Variants in CERS6 observed in about 807,000 individuals in gnomAD.
The protein encoded by CERS6 is ceramide synthase 6.
In CERS6, 26 loss-of-function variants were observed where a neutral mutation model predicts 56.8. The ratio of observed to expected loss-of-function variants is 0.46; its 90% confidence interval spans 0.34 to 0.63. CERS6 has a LOEUF of 0.63. CERS6 is among the 30% of genes least tolerant of loss of function. The probability of loss-of-function intolerance (pLI) is 0.01; values close to 1 mark genes in which losing one functional copy is unlikely to be tolerated. For missense variants in CERS6, 415 were observed against 467.5 expected (o/e 0.89, Z 1.04); for synonymous variants, 164 against 173.3 (o/e 0.95, Z 0.42).
intron 9 of CERS6, among the ~76,000 whole-genome samples, chr2:168,766,556 A>G (rs1021262940): frequency 7.9e-5 from 12 of 152,238 alleles, no homozygotes; most frequent in African/African-American, 2.9e-4. Flanking sequence ...ATTCTGCTAA[A>G]TGTTGCATGA....
chr2:168,463,475 T>A (rs1359913791), intron 1 of CERS6, among the ~76,000 whole-genome samples: 4 of 152,258 alleles, frequency 2.6e-5, no homozygotes, highest in Non-Finnish European at 5.9e-5. Flanking sequence ...TCCTAAGGAA[T>A]GTTTCCTAGA....
chr2:168,594,511 G>C (rs951532224), intron 3 of CERS6, among the ~76,000 whole-genome samples: 7 of 152,138 alleles, frequency 4.6e-5, no homozygotes, highest in Admixed American at 4.6e-4. Context: ...GTTGAGCCTG[G>C]GAGGTTGAGG....
chr2:168,626,095 G>A (rs6752574), intron 3 of CERS6, among the ~76,000 whole-genome samples: 44,960 of 151,972 alleles, frequency 0.3, 7,586 homozygotes, highest in African/African-American at 0.46. Flanking sequence ...CTAGCTGTGT[G>A]GCCTTCAGCA....
intron 4 of CERS6, among the ~76,000 whole-genome samples, chr2:168,685,691 G>A (rs968973260): frequency 1.8e-4 from 28 of 152,038 alleles, no homozygotes; most frequent in East Asian, 9.7e-4. Flanking sequence ...TCAAAATGTC[G>A]ATGAAGGCTT....
chr2:168,602,062 C>A (rs934926369), intron 3 of CERS6, among the ~76,000 whole-genome samples: 2 of 152,102 alleles, frequency 1.3e-5, no homozygotes, highest in Non-Finnish European at 2.9e-5. Context: ...TTAATTTAGA[C>A]AGGGTTCTGA....
rs76267975 is a variant in CERS6, at chr2:168,763,135, C to A, written c.846-2457C>A. 9.8e-3 allele frequency among the ~76,000 whole-genome samples: 1,491 copies of A among 152,232 alleles called. 30 individuals are homozygous for A. The highest frequency in any genetic ancestry group is 0.033 in the African/African-American group (1,379 of 41,542). Reference sequence around the variant, plus strand: ...AAGCAATCCTCCTACCTCAGCCCCCCCAAAGTGCTGGGATTACAGGAGTGA... The same window carrying A: ...AAGCAATCCTCCTACCTCAGCCCCCACAAAGTGCTGGGATTACAGGAGTGA... On this transcript the variant is annotated intron_variant, in intron 8 of 9. Transcript: ENST00000305747.
At chr2:168,572,273 C>T (rs1346996254) in intron 3 of CERS6, among the ~76,000 whole-genome samples, 1 of 152,094 alleles carries the variant, frequency 6.6e-6, no homozygotes, top group African/African-American at 2.4e-5. Context: ...GAGACTTAGA[C>T]CCTGAGAAGG....
chr2:168,557,200 C>T (rs1695698835), intron 2 of CERS6, among the ~76,000 whole-genome samples: 1 of 151,736 alleles, frequency 6.6e-6, no homozygotes, highest in Non-Finnish European at 1.5e-5. Flanking sequence ...TAAGAAAGTA[C>T]CTTATTCTCA....
intron 6 of CERS6, among the ~76,000 whole-genome samples, chr2:168,695,825 C>G (rs927351526): frequency 2.6e-5 from 4 of 152,152 alleles, no homozygotes; most frequent in African/African-American, 9.7e-5. Context: ...TGAAATGTTT[C>G]TCTTCTGCCC....
At chr2:168,620,228 A>T (rs908321837) in intron 3 of CERS6, among the ~76,000 whole-genome samples, 22 of 152,012 alleles carry the variant, frequency 1.4e-4, no homozygotes, top group African/African-American at 5.1e-4. Flanking sequence ...AGCTATGCGG[A>T]TGCAAAGGCA....
intron 1 of CERS6, among the ~76,000 whole-genome samples, chr2:168,457,209 C>T (rs1693686534): frequency 6.6e-6 from 1 of 152,220 alleles, no homozygotes; most frequent in Non-Finnish European, 1.5e-5. Flanking sequence ...GCCCACAGTC[C>T]TGGCAAATAG....
chr2:168,660,986 A>C (rs1237486290), intron 4 of CERS6, among the ~76,000 whole-genome samples: 2 of 150,480 alleles, frequency 1.3e-5, no homozygotes, highest in African/African-American at 2.5e-5. Context: ...AGAAGTGTGC[A>C]TTTTATGTGC....
At chr2:168,623,333 A>G (rs1339784082) in intron 3 of CERS6, among the ~76,000 whole-genome samples, 3 of 152,216 alleles carry the variant, frequency 2.0e-5, no homozygotes, top group Admixed American at 6.5e-5. Flanking sequence ...GATCTAATAT[A>G]TAGCACAGTA....
intron 8 of CERS6, among the ~76,000 whole-genome samples, chr2:168,728,380 A>G (rs1683412336): frequency 6.9e-6 from 1 of 144,824 alleles, no homozygotes; most frequent in East Asian, 2.0e-4. Context: ...AAAAAAATGC[A>G]ACTACTCTTT....
intron 1 of CERS6, among the ~76,000 whole-genome samples, chr2:168,516,519 G>C (rs1223989219): frequency 6.6e-6 from 1 of 152,160 alleles, no homozygotes; most frequent in African/African-American, 2.4e-5. Flanking sequence ...TTGAAATCAA[G>C]TTGTTCAATC....
intron 4 of CERS6, among the ~76,000 whole-genome samples, chr2:168,667,029 T>C (rs1685779286): frequency 6.6e-6 from 1 of 152,258 alleles, no homozygotes; most frequent in Non-Finnish European, 1.5e-5. Context: ...ATAAGATTTA[T>C]GTCACAAAAA....
intron 1 of CERS6, among the ~76,000 whole-genome samples, chr2:168,535,057 C>G (rs1185818927): frequency 1.3e-5 from 2 of 152,220 alleles, no homozygotes; most frequent in Non-Finnish European, 2.9e-5. Context: ...AGCCGTCCAG[C>G]CTCCCTGGCT....
chr2:168,730,379 G>T (rs1683490254), intron 8 of CERS6, among the ~76,000 whole-genome samples: 1 of 152,224 alleles, frequency 6.6e-6, no homozygotes, highest in Non-Finnish European at 1.5e-5. Flanking sequence ...GGCTAGCTGT[G>T]ACCAGCAGCC....
At chr2:168,668,565 G>A (rs750653780) in intron 4 of CERS6, among the ~76,000 whole-genome samples, 2 of 151,042 alleles carry the variant, frequency 1.3e-5, no homozygotes, top group Non-Finnish European at 2.9e-5. Context: ...TCCTGCCTCA[G>A]TCTCACGAGT....
Sources: allele counts gnomAD v4.1 joint callset (sites outside exome capture counted in the v4.1 genomes callset), GRCh38; gene constraint gnomAD v4.1.1; transcripts MANE v1.5; gene names NCBI Gene and HGNC (gene_info 2026-07-23, HGNC 2026-07-21).